Variants in SPTSSA observed in about 807,000 individuals in gnomAD.
SPTSSA encodes small subunit of serine palmitoyltransferase A.
Under a neutral mutation model 9.1 loss-of-function variants are expected in SPTSSA, and 8 were observed. The ratio of observed to expected loss-of-function variants is 0.88; its 90% CI spans 0.51 to 1.58. The LOEUF is 1.58. Ranked by LOEUF, SPTSSA falls within the 40% of genes most tolerant of loss-of-function variation. The pLI, the probability that SPTSSA is intolerant of heterozygous loss-of-function variation, is 0.00. For missense variants in SPTSSA, 100 were observed against 93.8 expected, an observed-to-expected ratio of 1.07 and a Z score of -0.27; for synonymous variants, 42 against 37.7, an observed-to-expected ratio of 1.11 and a Z score of -0.41.
In SPTSSA at chr14:34,442,983, T is replaced by TGTGTGTGTGTGTGA. The variant is rs750212266; in HGVS notation, c.113-7680_113-7679insTCACACACACACAC. Among the ~76,000 whole-genome samples, 566 of 148,448 alleles carry TGTGTGTGTGTGTGA rather than the reference T, an allele frequency of 3.8e-3. 1 individual carries two copies. The highest frequency in any genetic ancestry group is 7.2e-3 in the African/African-American group (288 of 39,782). Reference sequence around the variant, plus strand: ...GTGTGTGTGTGTGTGTGTGTGTGTGTGAGATGGAGTTTCCCTCTAGGGGTG... The same window carrying TGTGTGTGTGTGTGA: ...GTGTGTGTGTGTGTGTGTGTGTGTGTGTGTGTGTGTGTGAGAGATGGAGTTTCCCTCTAGGGGTG... On this transcript the variant is annotated intron_variant, in intron 1 of 1. Transcript: ENST00000298130.
intron 1 of SPTSSA, among the ~76,000 whole-genome samples, chr14:34,440,171 A>C (rs1157685989): frequency 6.6e-6 from 1 of 152,222 alleles, no homozygotes. Flanking sequence ...TCCAGCATCT[A>C]ACAAAAAAAC....
Position 34,432,826 on chromosome 14 carries a change from A to G in SPTSSA, c.*2375T>C, listed in dbSNP as rs1048151345. 3 of 151,648 alleles carry G rather than the reference A, an allele frequency of 2.0e-5. No homozygotes were observed. Among genetic ancestry groups the G allele is most frequent in the African/African-American group, 7.3e-5 (3 of 41,278 alleles). 9.4% of individuals were successfully genotyped at this position (151,648 alleles called of 1,614,324 possible). A position where few individuals can be genotyped will look rare whatever the true frequency, so the allele number is the denominator to read the frequency against. On this transcript the variant is annotated 3_prime_UTR_variant, in exon 2 of 2. Coordinates refer to ENST00000298130, the MANE Select transcript of SPTSSA (RefSeq NM_138288.4). ...AAATAATTCTTTAATTAAGATAGGTATATTGGGTGTTTTTTTTTTTTAGCC... is the reference window on the plus strand; with the variant it reads ...AAATAATTCTTTAATTAAGATAGGTGTATTGGGTGTTTTTTTTTTTTAGCC...
At chr14:34,447,840 T>G (rs555054734) in intron 1 of SPTSSA, among the ~76,000 whole-genome samples, 4 of 152,210 alleles carry the variant, frequency 2.6e-5, no homozygotes, top group African/African-American at 9.7e-5. Context: ...CCTCTGAAGT[T>G]CCCATTAAAT....
At chr14:34,443,692 C>A (rs191763604) in intron 1 of SPTSSA, among the ~76,000 whole-genome samples, 5 of 151,942 alleles carry the variant, frequency 3.3e-5, no homozygotes, top group African/African-American at 1.2e-4. Context: ...CCCGCCACCA[C>A]ACCCAGGTAA....
intron 1 of SPTSSA, among the ~76,000 whole-genome samples, chr14:34,436,864 T>C (rs772899144): frequency 1.3e-5 from 2 of 152,142 alleles, no homozygotes; most frequent in Non-Finnish European, 2.9e-5. Context: ...ATCTTTTTTT[T>C]ACAATTTACT....
Position 34,435,198 on chromosome 14 carries a change from T to C in SPTSSA, c.*3A>G, listed in dbSNP as rs1883219530. On this transcript the variant is annotated 3_prime_UTR_variant, in exon 2 of 2. Transcript: ENST00000298130. ...GGAACCTCTGATCCTGGTCGCATCTTGGTCATTGTACGATTTCAAAGTAGT... is the reference window on the plus strand; with the variant it reads ...GGAACCTCTGATCCTGGTCGCATCTCGGTCATTGTACGATTTCAAAGTAGT... 3 of 1,611,946 alleles carry C rather than the reference T, an allele frequency of 1.9e-6. No homozygotes were observed. The highest frequency in any genetic ancestry group is 2.2e-5 in the South Asian group (2 of 90,760).
intron 1 of SPTSSA, among the ~76,000 whole-genome samples, chr14:34,456,724 C>T (rs1399524027): frequency 6.6e-6 from 1 of 151,806 alleles, no homozygotes; most frequent in Non-Finnish European, 1.5e-5. Context: ...ATGGTGAAAT[C>T]TTGTCTCTAC....
At chr14:34,462,062 C>G in intron 1 of SPTSSA, 34 bp downstream of exon 1, 2 of 1,327,954 alleles carry the variant, frequency 1.5e-6, no homozygotes, top group Non-Finnish European at 2.0e-6. Flanking sequence ...GCGCCCCCAG[C>G]CCGGCCCCCG....
chr14:34,461,295 C>T (rs1331921926), intron 1 of SPTSSA, among the ~76,000 whole-genome samples: 3 of 152,192 alleles, frequency 2.0e-5, no homozygotes, highest in African/African-American at 4.8e-5. Context: ...GGGAGCCTAT[C>T]TTCACAACCC....
At chr14:34,441,809 G>A (rs538581283) in intron 1 of SPTSSA, among the ~76,000 whole-genome samples, 27 of 152,014 alleles carry the variant, frequency 1.8e-4, no homozygotes, top group South Asian at 4.2e-4. Flanking sequence ...CGCCCAGTTC[G>A]CTTAAACCTG....
chr14:34,445,087 C>G (rs762778227), intron 1 of SPTSSA, among the ~76,000 whole-genome samples: 3 of 149,732 alleles, frequency 2.0e-5, no homozygotes, highest in Non-Finnish European at 4.4e-5. Context: ...CAGGCTCCAT[C>G]TAAAAAAAAA....
intron 1 of SPTSSA, among the ~76,000 whole-genome samples, chr14:34,435,886 T>C (rs926747929): frequency 9.9e-5 from 15 of 152,078 alleles, no homozygotes; most frequent in African/African-American, 3.4e-4. Context: ...CATCTCAGCC[T>C]CCCAAAGTGC....
At chr14:34,443,355 A>T (rs866093685) in intron 1 of SPTSSA, among the ~76,000 whole-genome samples, 443 of 6,156 alleles carry the variant, frequency 0.072, no homozygotes, top group South Asian at 0.1. Context: ...GGAGGGTGTG[A>T]GTGTGTGTGT....
At chr14:34,446,128 T>A (rs1039953513) in intron 1 of SPTSSA, among the ~76,000 whole-genome samples, 3 of 152,188 alleles carry the variant, frequency 2.0e-5, no homozygotes, top group African/African-American at 7.2e-5. Flanking sequence ...ATCGTTTGAA[T>A]CTTCTGAGAA....
intron 1 of SPTSSA, among the ~76,000 whole-genome samples, chr14:34,457,323 A>G (rs1165049287): frequency 6.6e-6 from 1 of 152,152 alleles, no homozygotes; most frequent in Non-Finnish European, 1.5e-5. Context: ...CAAGTGAGGT[A>G]CTTCAGGGCG....
At chr14:34,437,326 T>C (rs1362434555) in intron 1 of SPTSSA, among the ~76,000 whole-genome samples, 1 of 152,232 alleles carries the variant, frequency 6.6e-6, no homozygotes, top group Non-Finnish European at 1.5e-5. Context: ...TCTTTTAATC[T>C]CTCTTACCAT....
At chr14:34,444,049 C>G (rs954389378) in intron 1 of SPTSSA, among the ~76,000 whole-genome samples, 1 of 152,058 alleles carries the variant, frequency 6.6e-6, no homozygotes, top group Non-Finnish European at 1.5e-5. Context: ...GGTCTCTGGC[C>G]CGCTTTCTCC....
intron 1 of SPTSSA, among the ~76,000 whole-genome samples, chr14:34,449,611 T>C (rs967098688): frequency 3.9e-5 from 6 of 152,032 alleles, no homozygotes; most frequent in African/African-American, 1.2e-4. Context: ...CAAGTGATTC[T>C]TCTGCCTCAG....
intron 1 of SPTSSA, among the ~76,000 whole-genome samples, chr14:34,458,974 G>T (rs1175316247): frequency 2.8e-5 from 4 of 143,254 alleles, no homozygotes; most frequent in South Asian, 2.2e-4. Flanking sequence ...GCGTGATCTC[G>T]GCTCACTGCA....
Sources: allele counts gnomAD v4.1 joint callset (sites outside exome capture counted in the v4.1 genomes callset), GRCh38; gene constraint gnomAD v4.1.1; transcripts MANE v1.5; gene names NCBI Gene and HGNC (gene_info 2026-07-23, HGNC 2026-07-21).